PARD3: variants seen among roughly 807,000 people sequenced by gnomAD.
PARD3 encodes the protein par-3 family cell polarity regulator.
Under a neutral mutation model 155.4 loss-of-function variants are expected in PARD3, and 75 were observed. The observed-to-expected ratio is 0.48, with a 90% confidence interval of 0.40 to 0.58. The LOEUF (loss-of-function observed/expected upper bound fraction) is 0.58, where lower values mean the gene tolerates loss of function less well. Ranked by LOEUF, PARD3 falls within the 20% of genes least tolerant of loss-of-function variation. The pLI is 0.00. For synonymous variants in PARD3, 576 were observed against 610.5 expected (o/e 0.94, Z 0.83); for missense variants, 1,642 against 1,721.7 (o/e 0.95, Z 0.82).
chr10:34,770,778 C>CA (rs1446859800), intron 1 of PARD3, among the ~76,000 whole-genome samples: 5 of 152,116 alleles, frequency 3.3e-5, no homozygotes, highest in African/African-American at 1.2e-4. Context: ...CTAGGGGTAT[C>CA]ACCTGCAATG....
rs147837386 is a variant in PARD3 at position 34,519,707 on chromosome 10, G to A, written c.223-2548C>T. Among the ~76,000 whole-genome samples, 597 of 152,024 alleles carry A rather than the reference G, an allele frequency of 3.9e-3. 2 individuals are homozygous for A. Among genetic ancestry groups the A allele is most frequent in the African/African-American group, 0.014 (565 of 41,482 alleles). ...CACGCTTCTGTAATCCCAGCTACTC[G>A]GGAGACTGAGGCAGGAGAACTGCTT... On this transcript the variant is annotated intron_variant, in intron 2 of 24. Coordinates refer to ENST00000374788, the MANE Select transcript of PARD3 (RefSeq NM_001184785.2).
intron 1 of PARD3, among the ~76,000 whole-genome samples, chr10:34,711,740 G>C (rs1590768578): frequency 6.6e-6 from 1 of 152,002 alleles, no homozygotes; most frequent in Non-Finnish European, 1.5e-5. Context: ...ACTTACACAA[G>C]AGTTTCTAGG....
intron 2 of PARD3, among the ~76,000 whole-genome samples, chr10:34,633,904 C>T (rs969226597): frequency 9.2e-5 from 14 of 152,152 alleles, no homozygotes; most frequent in Non-Finnish European, 1.9e-4. Context: ...TTCACTGTGG[C>T]TTCACTTTTC....
intron 1 of PARD3, among the ~76,000 whole-genome samples, chr10:34,800,163 T>C (rs1228568437): frequency 4.0e-5 from 6 of 151,040 alleles, no homozygotes. Flanking sequence ...AAGTTTCTTA[T>C]CCTCTCTAGC....
At chr10:34,352,899 G>A (rs1263066785) in intron 14 of PARD3, among the ~76,000 whole-genome samples, 4 of 151,952 alleles carry the variant, frequency 2.6e-5, no homozygotes, top group Admixed American at 2.0e-4. Flanking sequence ...TAGGAAGTGA[G>A]GAGCGTCTCT....
chr10:34,456,969 T>C (rs191503531), intron 4 of PARD3, among the ~76,000 whole-genome samples: 2 of 152,324 alleles, frequency 1.3e-5, no homozygotes, highest in Admixed American at 1.3e-4. Context: ...GAAGAATTTC[T>C]ATATTAGAAA....
chr10:34,202,986 T>C (rs1951290258), intron 22 of PARD3, among the ~76,000 whole-genome samples: 1 of 152,198 alleles, frequency 6.6e-6, no homozygotes, highest in Non-Finnish European at 1.5e-5. Flanking sequence ...TTCAATTCAC[T>C]GAGGTCTGCA....
intron 22 of PARD3, among the ~76,000 whole-genome samples, chr10:34,250,151 C>T (rs1305577014): frequency 6.6e-6 from 1 of 151,386 alleles, no homozygotes; most frequent in Non-Finnish European, 1.5e-5. Flanking sequence ...AAACTGCTCC[C>T]CCTCCACACA....
At chr10:34,202,169 G>C (rs1007482104) in intron 22 of PARD3, 3 of 152,146 alleles carry the variant, frequency 2.0e-5, no homozygotes, top group Non-Finnish European at 4.4e-5. Flanking sequence ...GACCTCCTGG[G>C]ACCAAGCAAT....
chr10:34,803,295 A>T (rs1049505471), intron 1 of PARD3, among the ~76,000 whole-genome samples: 1 of 151,928 alleles, frequency 6.6e-6, no homozygotes, highest in East Asian at 1.9e-4. Flanking sequence ...ACGTGCTCAC[A>T]AAGGTACTTC....
chr10:34,350,719 A>T (rs555618815), intron 14 of PARD3, among the ~76,000 whole-genome samples: 3 of 152,262 alleles, frequency 2.0e-5, no homozygotes, highest in Admixed American at 2.0e-4. Flanking sequence ...TTTGTTGTCT[A>T]TTTGTGGTTT....
intron 2 of PARD3, among the ~76,000 whole-genome samples, chr10:34,553,784 T>A (rs1388624356): frequency 6.6e-6 from 1 of 152,220 alleles, no homozygotes. Context: ...AAGCAATGTT[T>A]TTGTTCAAAA....
In PARD3 at chr10:34,728,592, T is replaced by C. The variant is rs186947173; in HGVS notation, c.121-32173A>G. The stretch of plus-strand genomic sequence containing the variant: ...TGTTTGTCCTAATGCTGCTAATCAG[T>C]TTCCAGTAAATATGTCACATTGTTG... On this transcript the variant is annotated intron_variant, in intron 1 of 24. Transcript: ENST00000374788. Among the ~76,000 whole-genome samples the C allele has an allele frequency of 5.3e-5, 8 of 152,338 alleles. No individual in the cohort carries two copies. The East Asian group carries it at 1.5e-3, about 29-fold the overall frequency.
intron 2 of PARD3, among the ~76,000 whole-genome samples, chr10:34,642,496 C>T (rs1029342563): frequency 1.3e-5 from 2 of 152,004 alleles, no homozygotes; most frequent in African/African-American, 2.4e-5. Flanking sequence ...CTCCACCTGG[C>T]GGAGAACTTC....
At chr10:34,412,765 G>A (rs1287152935) in intron 5 of PARD3, among the ~76,000 whole-genome samples, 2 of 151,988 alleles carry the variant, frequency 1.3e-5, no homozygotes, top group Non-Finnish European at 2.9e-5. Flanking sequence ...TTTGCAAATG[G>A]ACTAAAAGAA....
chr10:34,702,628 G>A (rs1324039654), intron 1 of PARD3, among the ~76,000 whole-genome samples: 1 of 152,144 alleles, frequency 6.6e-6, no homozygotes, highest in Non-Finnish European at 1.5e-5. Context: ...GAAAAATCCA[G>A]CCCTCTGCTT....
intron 5 of PARD3, among the ~76,000 whole-genome samples, chr10:34,443,057 A>G (rs897932564): frequency 6.6e-6 from 1 of 152,054 alleles, no homozygotes; most frequent in African/African-American, 2.4e-5. Flanking sequence ...GATCAGTGGA[A>G]AAAAAACAAC....
At chr10:34,541,086 C>T (rs527465172) in intron 2 of PARD3, among the ~76,000 whole-genome samples, 8 of 152,250 alleles carry the variant, frequency 5.3e-5, no homozygotes, top group South Asian at 4.2e-4. Flanking sequence ...TAAAGCCATA[C>T]CATGAAATGC....
chr10:34,469,645 T>A (rs564205006), intron 4 of PARD3, among the ~76,000 whole-genome samples: 9 of 152,198 alleles, frequency 5.9e-5, no homozygotes, highest in Non-Finnish European at 1.3e-4. Context: ...AGTTCCTTAA[T>A]GTACCTCATG....
Sources: allele counts gnomAD v4.1 joint callset (sites outside exome capture counted in the v4.1 genomes callset), GRCh38; gene constraint gnomAD v4.1.1; transcripts MANE v1.5; gene names NCBI Gene and HGNC (gene_info 2026-07-23, HGNC 2026-07-21).